Variants in PPP4R4 observed in about 807,000 individuals in gnomAD.
The protein encoded by PPP4R4 is serine/threonine-protein phosphatase 4 regulatory subunit 4.
A neutral mutation model predicts 121.8 loss-of-function variants in PPP4R4; 70 were observed. The ratio of observed to expected loss-of-function variants is 0.57; its 90% CI spans 0.47 to 0.70. PPP4R4 has a LOEUF of 0.70. Among genes scored for constraint, PPP4R4 ranks in the 30% least tolerant of loss-of-function variants. The pLI, the probability that PPP4R4 is intolerant of heterozygous loss-of-function variation, is 0.00. For synonymous variants in PPP4R4, 348 were observed against 355.7 expected (o/e 0.98, Z 0.24); for missense variants, 875 against 1,033.6 (o/e 0.85, Z 2.10).
intron 3 of PPP4R4, among the ~76,000 whole-genome samples, chr14:94,223,275 A>C (rs1891513983): frequency 6.6e-6 from 1 of 152,192 alleles, no homozygotes; most frequent in Admixed American, 6.5e-5. Context: ...TGTATTTGAC[A>C]AATTATTTGT....
intron 3 of PPP4R4, among the ~76,000 whole-genome samples, chr14:94,210,929 T>C (rs1956170): frequency 0.2 from 30,616 of 152,120 alleles, 3,613 homozygotes; most frequent in East Asian, 0.59. Flanking sequence ...TTATGACTTA[T>C]TGGTACTCCT....
At chr14:94,177,037 A>G (rs1888716222) in intron 2 of PPP4R4, among the ~76,000 whole-genome samples, 1 of 151,950 alleles carries the variant, frequency 6.6e-6, no homozygotes, top group South Asian at 2.1e-4. Context: ...TTTACAGATC[A>G]TGTTCCAGTC....
intron 6 of PPP4R4, 46 bp from the exon 7 acceptor site, chr14:94,234,516 C>A: frequency 8.7e-7 from 1 of 1,151,654 alleles, no homozygotes; most frequent in Non-Finnish European, 1.3e-6. Flanking sequence ...GAATATTATT[C>A]TGAAACACTC....
rs755043178 is a variant in PPP4R4, at chr14:94,234,660, A to G, written c.722A>G (p.Gln241Arg). 9 of 1,579,848 alleles carry G rather than the reference A, an allele frequency of 5.7e-6. No individual in the cohort carries two copies. In the South Asian group the frequency reaches 7.8e-5, roughly 14 times the overall value. ...CMCRQLENIA[Q>R]GIGTELTKSV... Reference sequence around the variant, plus strand: ...TGTCGGCAATTAGAAAATATAGCCCAGGGCATTGGGTAGGTATACTTTGAA... The same window carrying G: ...TGTCGGCAATTAGAAAATATAGCCCGGGGCATTGGGTAGGTATACTTTGAA... The change falls in exon 7 of 25, where the codon CAG becomes CGG. Residue 241 changes from glutamine to arginine, a missense_variant. By Grantham distance (43) the Gln-to-Arg change is conservative. Transcript: ENST00000304338.
At chr14:94,177,320 A>G (rs765401709) in intron 2 of PPP4R4, among the ~76,000 whole-genome samples, 2 of 152,192 alleles carry the variant, frequency 1.3e-5, no homozygotes, top group East Asian at 3.8e-4. Context: ...ATTTACTTCA[A>G]AGAAAACTTC....
intron 3 of PPP4R4, among the ~76,000 whole-genome samples, chr14:94,224,317 T>A (rs1891576801): frequency 6.6e-6 from 1 of 152,012 alleles, no homozygotes; most frequent in African/African-American, 2.4e-5. Flanking sequence ...GACTGTAAAG[T>A]CGAAAATGAA....
Position 94,176,145 on chromosome 14 carries a change from T to G in PPP4R4, c.191+18T>G. Reference sequence around the variant, plus strand: ...CTGCTCAGGTATTTCCTAGTCTTTCTGTGAAATTGCTCTTCTTTTTTCCCT... The same window carrying G: ...CTGCTCAGGTATTTCCTAGTCTTTCGGTGAAATTGCTCTTCTTTTTTCCCT... On this transcript the variant is annotated intron_variant, in intron 2 of 24. Coordinates refer to ENST00000304338, the MANE Select transcript of PPP4R4 (RefSeq NM_058237.2). 1 of 1,582,814 alleles carries G rather than the reference T, an allele frequency of 6.3e-7. No homozygotes were observed. The highest frequency in any genetic ancestry group is 8.7e-7 in the Non-Finnish European group (1 of 1,151,398).
At chr14:94,193,267 T>C (rs1954378406) in intron 2 of PPP4R4, among the ~76,000 whole-genome samples, 1 of 152,128 alleles carries the variant, frequency 6.6e-6, no homozygotes, top group African/African-American at 2.4e-5. Flanking sequence ...GAAAAGCTGA[T>C]AGATGTGTTT....
At chr14:94,264,830 G>C in intron 19 of PPP4R4, 48 bp from the exon 20 acceptor site, 3 of 1,366,648 alleles carry the variant, frequency 2.2e-6, no homozygotes, top group Non-Finnish European at 3.1e-6. Flanking sequence ...CAATTTTCTA[G>C]ACCTACTTCA....
chr14:94,257,996 A>G (rs1893569467), intron 17 of PPP4R4, among the ~76,000 whole-genome samples: 1 of 152,166 alleles, frequency 6.6e-6, no homozygotes, highest in Non-Finnish European at 1.5e-5. Flanking sequence ...CCAGGAAGCT[A>G]CACAAAACTT....
intron 3 of PPP4R4, among the ~76,000 whole-genome samples, chr14:94,209,541 G>A (rs1890632310): frequency 6.6e-6 from 1 of 152,068 alleles, no homozygotes; most frequent in Non-Finnish European, 1.5e-5. Flanking sequence ...TTACAATGGT[G>A]AATTAAGATG....
In PPP4R4 at chr14:94,233,673, C is replaced by A. The variant is rs1430681617; in HGVS notation, c.537C>A (p.Ser179=). Residue 179 remains serine, a synonymous_variant, in exon 6 of 25, where the codon TCC becomes TCA. Transcript: ENST00000304338. The part of the protein sequence containing the change: ...LRHEILNPLV[S]KAQLSQTVQS... Reference sequence around the variant, plus strand: ...TTTAGATTTTGAATCCACTTGTTTCCAAGGCACAACTTTCCCAAACAGTCC... The same window carrying A: ...TTTAGATTTTGAATCCACTTGTTTCAAAGGCACAACTTTCCCAAACAGTCC... 6.9e-6 allele frequency: 11 copies of A among 1,592,584 alleles called. No homozygotes were observed. The highest frequency in any genetic ancestry group is 7.7e-6 in the Non-Finnish European group (9 of 1,169,202).
intron 23 of PPP4R4, 122 bp downstream of exon 23, chr14:94,267,151 C>A: frequency 1.7e-6 from 1 of 593,882 alleles, no homozygotes; most frequent in South Asian, 3.0e-5. Flanking sequence ...TTTATCAGGT[C>A]CCTAAGAAAT....
intron 8 of PPP4R4, among the ~76,000 whole-genome samples, chr14:94,240,090 A>G (rs959099260): frequency 6.6e-6 from 1 of 152,222 alleles, no homozygotes; most frequent in African/African-American, 2.4e-5. Flanking sequence ...TTTAGAATTG[A>G]GACTTAAAAA....
At chr14:94,256,035 C>T (rs972420514) in intron 16 of PPP4R4, among the ~76,000 whole-genome samples, 7 of 152,158 alleles carry the variant, frequency 4.6e-5, no homozygotes, top group Non-Finnish European at 1.0e-4. Flanking sequence ...AGCTCATTCC[C>T]TAATTTTCTT....
chr14:94,253,536 T>G (rs1020487487), intron 16 of PPP4R4, among the ~76,000 whole-genome samples: 9 of 152,226 alleles, frequency 5.9e-5, no homozygotes, highest in Admixed American at 4.6e-4. Context: ...TATGAACATT[T>G]TGTGAATTAA....
chr14:94,258,670 C>T (rs903832362), intron 17 of PPP4R4, 113 bp from the exon 18 acceptor site: 3 of 719,418 alleles, frequency 4.2e-6, no homozygotes, highest in Admixed American at 2.5e-5. Context: ...TTAGTCTTCC[C>T]CCTAGTGCAG....
intron 19 of PPP4R4, among the ~76,000 whole-genome samples, chr14:94,263,571 G>T (rs780198504): frequency 1.3e-5 from 2 of 152,174 alleles, no homozygotes; most frequent in Non-Finnish European, 2.9e-5. Context: ...AGGATTGCCA[G>T]TGGGAGAAAC....
chr14:94,195,735 T>C (rs11627011), intron 2 of PPP4R4, among the ~76,000 whole-genome samples: 1 of 152,088 alleles, frequency 6.6e-6, no homozygotes, highest in Non-Finnish European at 1.5e-5. Flanking sequence ...TCACTCCTGG[T>C]TGAGAACCAC....
Sources: gnomAD v4.1 joint callset for allele counts (sites outside exome capture counted in the v4.1 genomes callset) on GRCh38, gnomAD v4.1.1 for gene constraint, MANE v1.5 for transcripts, NCBI Gene and HGNC (gene_info 2026-07-23, HGNC 2026-07-21) for gene names.